C10orf67: variants seen among roughly 807,000 people sequenced by gnomAD.
C10orf67 encodes chromosome 10 open reading frame 67, also known as uncharacterized protein C10orf67, mitochondrial.
In C10orf67, 60 loss-of-function variants were observed where a neutral mutation model predicts 35.6. The ratio of observed to expected loss-of-function variants is 1.68; its 90% CI spans 1.37 to 2.09. C10orf67 has a LOEUF of 2.09. Among genes scored for constraint, C10orf67 ranks in the 30% most tolerant of loss-of-function variants. The pLI is 0.00. For synonymous variants in C10orf67, 167 were observed against 115.8 expected (o/e 1.44, Z -2.84); for missense variants, 474 against 330.2 (o/e 1.44, Z -3.38).
At chr10:23,240,721 T>C (rs1208265369) in intron 12 of C10orf67, among the ~76,000 whole-genome samples, 2 of 152,184 alleles carry the variant, frequency 1.3e-5, no homozygotes, top group African/African-American at 4.8e-5. Flanking sequence ...AAAAGACTCT[T>C]TGAAGAGATT....
chr10:23,219,253 C>T (rs1351719107), intron 15 of C10orf67, among the ~76,000 whole-genome samples: 1 of 152,170 alleles, frequency 6.6e-6, no homozygotes, highest in East Asian at 1.9e-4. Flanking sequence ...TTGGGTTTCT[C>T]CTGTGTTTCA....
chr10:23,224,704 C>T (rs1841686621), intron 13 of C10orf67, among the ~76,000 whole-genome samples: 1 of 152,150 alleles, frequency 6.6e-6, no homozygotes, highest in Admixed American at 6.6e-5. Flanking sequence ...GAGCTGAAAA[C>T]CATGGCACAA....
intron 7 of C10orf67, 44 bp from the exon 8 acceptor site, chr10:23,282,122 GA>G: frequency 2.1e-6 from 1 of 474,004 alleles, no homozygotes; most frequent in Non-Finnish European, 3.8e-6. Flanking sequence ...GATAAGAACA[GA>G]ACACCTAAAA....
intron 15 of C10orf67, among the ~76,000 whole-genome samples, chr10:23,211,059 C>T (rs1400009472): frequency 1.3e-5 from 2 of 152,140 alleles, no homozygotes; most frequent in Non-Finnish European, 2.9e-5. Flanking sequence ...AACAAAGTAG[C>T]ACAAACTGGG....
At chr10:23,316,318 T>C (rs779353466) in intron 4 of C10orf67, among the ~76,000 whole-genome samples, 42 of 152,144 alleles carry the variant, frequency 2.8e-4, no homozygotes, top group Non-Finnish European at 1.0e-4. Context: ...ACTGCTGGCA[T>C]AGGGGAACAC....
chr10:23,306,245 G>T (rs941722285), intron 4 of C10orf67, among the ~76,000 whole-genome samples: 1 of 152,090 alleles, frequency 6.6e-6, no homozygotes, highest in Non-Finnish European at 1.5e-5. Context: ...TGGTTGACAG[G>T]CTGGGCGCGG....
intron 15 of C10orf67, among the ~76,000 whole-genome samples, chr10:23,217,220 A>C (rs1177550409): frequency 6.6e-6 from 1 of 152,200 alleles, no homozygotes; most frequent in Non-Finnish European, 1.5e-5. Context: ...TGAAGATTGA[A>C]ACCCAGTGAC....
At chr10:23,234,884 T>G (rs1415177321) in intron 13 of C10orf67, among the ~76,000 whole-genome samples, 1 of 151,660 alleles carries the variant, frequency 6.6e-6, no homozygotes, top group African/African-American at 2.4e-5. Context: ...TGGTGGTACA[T>G]GCCCATAATC....
At chr10:23,342,299 C>A (rs1181738038) in intron 1 of C10orf67, among the ~76,000 whole-genome samples, 1 of 152,028 alleles carries the variant, frequency 6.6e-6, no homozygotes, top group Non-Finnish European at 1.5e-5. Context: ...TCTTCCTTAT[C>A]ACTAACCACT....
intron 13 of C10orf67, among the ~76,000 whole-genome samples, chr10:23,231,248 C>A (rs900313544): frequency 6.6e-6 from 1 of 152,120 alleles, no homozygotes; most frequent in Non-Finnish European, 1.5e-5. Flanking sequence ...CAATTGGATG[C>A]AGTTCTAGGT....
chr10:23,336,478 C>T (rs567937244), intron 1 of C10orf67, among the ~76,000 whole-genome samples: 2 of 152,224 alleles, frequency 1.3e-5, no homozygotes, highest in Non-Finnish European at 2.9e-5. Context: ...GCACATCTAA[C>T]ACTCAGATGT....
intron 8 of C10orf67, among the ~76,000 whole-genome samples, chr10:23,270,297 G>A (rs1353219791): frequency 6.6e-6 from 1 of 152,118 alleles, no homozygotes; most frequent in East Asian, 1.9e-4. Context: ...CCTGCCCCCA[G>A]CCAAGGGAAG....
chr10:23,303,540 C>T lies in C10orf67; in HGVS notation c.547-81G>A, dbSNP rs1844169685. The T allele has an allele frequency of 1.9e-5, 8 of 431,040 alleles. No homozygotes were observed. The Admixed American group carries it at 2.7e-4, about 14-fold the overall frequency. The allele number at this position is 431,040 out of a possible 1,614,324, so 26.7% of individuals were successfully genotyped here. On this transcript the variant is annotated intron_variant, in intron 4 of 15. Coordinates refer to ENST00000636213, the MANE Select transcript of C10orf67 (RefSeq NM_001371909.1). Reference sequence around the variant, plus strand: ...CACTTACACTAAATTAGACACTCAGCATTAAAAATTAGACACCACCAGAAA... The same window carrying T: ...CACTTACACTAAATTAGACACTCAGTATTAAAAATTAGACACCACCAGAAA...
chr10:23,260,070 A>G (rs1842706940), intron 10 of C10orf67, among the ~76,000 whole-genome samples: 1 of 152,288 alleles, frequency 6.6e-6, no homozygotes, highest in South Asian at 2.1e-4. Context: ...GAGAGGGGAC[A>G]AGAAACAACC....
At chr10:23,296,581 C>T (rs1843886966) in intron 5 of C10orf67, among the ~76,000 whole-genome samples, 4 of 152,084 alleles carry the variant, frequency 2.6e-5, no homozygotes, top group Non-Finnish European at 4.4e-5. Flanking sequence ...GGCTGATGAC[C>T]GCTCTAATTG....
intron 12 of C10orf67, among the ~76,000 whole-genome samples, chr10:23,243,546 G>A (rs1222705546): frequency 6.6e-6 from 1 of 152,016 alleles, no homozygotes; most frequent in Non-Finnish European, 1.5e-5. Context: ...AATTAGCCAG[G>A]CATGGTGGCG....
In C10orf67 at chr10:23,247,781, G is replaced by GCATT. The variant is rs543365218; in HGVS notation, c.1346+2670_1346+2673dup. Among the ~76,000 whole-genome samples the GCATT allele has an allele frequency of 1.2e-3, 180 of 152,292 alleles. 1 individual carries two copies. The highest frequency in any genetic ancestry group is 4.1e-3 in the African/African-American group (172 of 41,562). On this transcript the variant is annotated intron_variant, in intron 12 of 15. Coordinates refer to ENST00000636213, the MANE Select transcript of C10orf67 (RefSeq NM_001371909.1). Reference sequence around the variant, plus strand: ...AAAACTTTCCCCAAGGGAATGATAAGCATTCAATTCAGAATATTTGCCAAT... The same window carrying GCATT: ...AAAACTTTCCCCAAGGGAATGATAAGCATTCATTCAATTCAGAATATTTGCCAAT...
chr10:23,267,163 G>C, intron 9 of C10orf67, 32 bp downstream of exon 9: 1 of 702,458 alleles, frequency 1.4e-6, no homozygotes. Context: ...AAATAAAAGA[G>C]AAAGAGAGAG....
At chr10:23,309,246 G>C (rs74741962) in intron 4 of C10orf67, among the ~76,000 whole-genome samples, 5,972 of 152,190 alleles carry the variant, frequency 0.039, 177 homozygotes, top group Non-Finnish European at 0.057. Context: ...GCAGTAACAT[G>C]AATGGAGCTG....
Sources: allele counts gnomAD v4.1 joint callset (sites outside exome capture counted in the v4.1 genomes callset), GRCh38; gene constraint gnomAD v4.1.1; transcripts MANE v1.5; gene names NCBI Gene and HGNC (gene_info 2026-07-23, HGNC 2026-07-21).